DACH1: variants seen among roughly 807,000 people sequenced by gnomAD.
The protein encoded by DACH1 is dachshund family transcription factor 1.
DACH1 carries 12 observed loss-of-function variants against 54.2 expected under a neutral mutation model. The ratio of observed to expected loss-of-function variants is 0.22; its 90% CI spans 0.14 to 0.36. The LOEUF is 0.36. Among genes scored for constraint, DACH1 ranks in the 10% least tolerant of loss-of-function variants. The pLI is 1.00. For synonymous variants in DACH1, 386 were observed against 366.2 expected (o/e 1.05, Z -0.62); for missense variants, 805 against 929.8 (o/e 0.87, Z 1.75).
At chr13:71,548,298 A>G (rs1371797976) in intron 6 of DACH1, among the ~76,000 whole-genome samples, 1 of 152,204 alleles carries the variant, frequency 6.6e-6, no homozygotes, top group Non-Finnish European at 1.5e-5. Context: ...CAAAACTATT[A>G]GGTCAAAATA....
intron 6 of DACH1, among the ~76,000 whole-genome samples, chr13:71,508,484 A>C (rs1449375991): frequency 6.6e-6 from 1 of 151,326 alleles, no homozygotes; most frequent in Non-Finnish European, 1.5e-5. Context: ...TTTTTTGTAG[A>C]TAGATAGGAT....
intron 3 of DACH1, among the ~76,000 whole-genome samples, chr13:71,619,273 C>G (rs1876026265): frequency 6.6e-6 from 1 of 151,888 alleles, no homozygotes; most frequent in South Asian, 2.1e-4. Flanking sequence ...GTAACAAACA[C>G]ATTGATATTA....
intron 1 of DACH1, among the ~76,000 whole-genome samples, chr13:71,799,363 C>A (rs1297546131): frequency 2.0e-5 from 3 of 151,994 alleles, no homozygotes; most frequent in African/African-American, 7.2e-5. Context: ...ATTTTCATGG[C>A]TCTTCAATTT....
intron 6 of DACH1, among the ~76,000 whole-genome samples, chr13:71,529,183 G>GTTTTTTTTTTGTTTTTT (rs1299574030): frequency 4.9e-5 from 4 of 80,980 alleles, no homozygotes; most frequent in African/African-American, 1.7e-4. Flanking sequence ...TGTGATTTGG[G>GTTTTTTTTTTGTTTTTT]TTTTTTTTTT....
At chr13:71,508,467 C>CTT (rs111879521) in intron 6 of DACH1, among the ~76,000 whole-genome samples, 2 of 145,166 alleles carry the variant, frequency 1.4e-5, no homozygotes, top group Non-Finnish European at 3.0e-5. Context: ...GTAAAAATTA[C>CTT]TTTTTTTTTT....
chr13:71,469,820 T>C (rs1876912205), intron 10 of DACH1, among the ~76,000 whole-genome samples: 2 of 152,248 alleles, frequency 1.3e-5, no homozygotes, highest in Admixed American at 6.5e-5. Flanking sequence ...AGATTTTTAA[T>C]GTGAAGGCAA....
At chr13:71,688,457 C>G (rs7983453) in intron 1 of DACH1, among the ~76,000 whole-genome samples, 37,966 of 152,120 alleles carry the variant, frequency 0.25, 12,342 homozygotes, top group African/African-American at 0.75. Context: ...TCCTATTGCT[C>G]GTAAAGCTTT....
chr13:71,527,924 C>G lies in DACH1; in HGVS notation c.1570+29100G>C, dbSNP rs150665940. On this transcript the variant is annotated intron_variant, in intron 6 of 10. Coordinates refer to ENST00000613252, the MANE Select transcript of DACH1 (RefSeq NM_080759.6). ...ACTGTCCTTGGTAAATTTGTTAACA[C>G]TTTTTTTTTTAAAGAATCCCTTAAC... 4.1e-5 allele frequency among the ~76,000 whole-genome samples: 6 copies of G among 147,900 alleles called. No individual in the cohort carries two copies. In the Admixed American group the frequency reaches 4.1e-4, roughly 10 times the overall value.
At chr13:71,783,949 A>G (rs1886484777) in intron 1 of DACH1, among the ~76,000 whole-genome samples, 1 of 145,210 alleles carries the variant, frequency 6.9e-6, no homozygotes, top group South Asian at 2.2e-4. Flanking sequence ...GATGAAATAC[A>G]TATTCTCCAA....
At chr13:71,620,203 C>T (rs1468351433) in intron 3 of DACH1, among the ~76,000 whole-genome samples, 2 of 151,616 alleles carry the variant, frequency 1.3e-5, no homozygotes, top group African/African-American at 4.8e-5. Context: ...GAAGCATGAG[C>T]GAGCAAAAAC....
At chr13:71,500,311 C>G (rs1879803344) in intron 6 of DACH1, among the ~76,000 whole-genome samples, 4 of 152,116 alleles carry the variant, frequency 2.6e-5, no homozygotes, top group Admixed American at 2.0e-4. Context: ...AAGAGAAATG[C>G]TAGGCACCAT....
intron 6 of DACH1, among the ~76,000 whole-genome samples, chr13:71,508,297 C>T (rs1333283795): frequency 2.6e-5 from 4 of 152,094 alleles, no homozygotes; most frequent in Non-Finnish European, 4.4e-5. Flanking sequence ...CAAGTATTTT[C>T]GTCCTGTTTC....
intron 1 of DACH1, among the ~76,000 whole-genome samples, chr13:71,845,172 T>C (rs950533607): frequency 6.6e-6 from 1 of 152,160 alleles, no homozygotes; most frequent in Admixed American, 6.5e-5. Flanking sequence ...GTAATTACCC[T>C]GATCTGATCA....
chr13:71,654,751 C>T (rs1017803021), intron 2 of DACH1, among the ~76,000 whole-genome samples: 2 of 151,978 alleles, frequency 1.3e-5, no homozygotes, highest in African/African-American at 4.8e-5. Flanking sequence ...AATATTTTGG[C>T]CATTATGTCA....
At chr13:71,530,247 T>C (rs1882323308) in intron 6 of DACH1, among the ~76,000 whole-genome samples, 1 of 152,158 alleles carries the variant, frequency 6.6e-6, no homozygotes, top group South Asian at 2.1e-4. Context: ...CAAATAAGGC[T>C]CTCTTATTGC....
intron 3 of DACH1, chr13:71,573,666 AT>A: frequency 2.3e-6 from 1 of 436,564 alleles, no homozygotes. Context: ...AATGTATCAC[AT>A]TTGGAGTTGG....
chr13:71,814,147 T>C (rs530562611), intron 1 of DACH1, among the ~76,000 whole-genome samples: 115 of 152,344 alleles, frequency 7.5e-4, no homozygotes, highest in African/African-American at 2.7e-3. Context: ...AGCAGTTTCA[T>C]TGTGCTTGTC....
chr13:71,646,519 T>C (rs1405491185), intron 2 of DACH1, among the ~76,000 whole-genome samples: 1 of 152,130 alleles, frequency 6.6e-6, no homozygotes, highest in African/African-American at 2.4e-5. Flanking sequence ...AAGTGATCCA[T>C]TAGCCCAACT....
At chr13:71,489,233 C>A in intron 6 of DACH1, 85 bp from the exon 7 acceptor site, 1 of 1,421,568 alleles carries the variant, frequency 7.0e-7, no homozygotes, top group Non-Finnish European at 9.5e-7. Flanking sequence ...CTAGTGGTTT[C>A]CAGAACATTT....
Sources: gnomAD v4.1 joint callset for allele counts (sites outside exome capture counted in the v4.1 genomes callset) on GRCh38, gnomAD v4.1.1 for gene constraint, MANE v1.5 for transcripts, NCBI Gene and HGNC (gene_info 2026-07-23, HGNC 2026-07-21) for gene names.